The following LARGE1 variants were observed in gnomAD, a reference collection of about 807,000 sequenced individuals.
The protein encoded by LARGE1 is LARGE xylosyl- and glucuronyltransferase 1.
Under a neutral mutation model 87.6 loss-of-function variants are expected in LARGE1, and 43 were observed. The observed-to-expected ratio is 0.49, with a 90% confidence interval of 0.38 to 0.63. The LOEUF (loss-of-function observed/expected upper bound fraction) is 0.63. Among genes scored for constraint, LARGE1 ranks in the 30% least tolerant of loss-of-function variants. The pLI is 0.00. For missense variants in LARGE1, 802 were observed against 1,000.2 expected, an observed-to-expected ratio of 0.80 and a Z score of 2.67; for synonymous variants, 434 against 394.6, an observed-to-expected ratio of 1.10 and a Z score of -1.18.
At chr22:33,576,626 C>T (rs907572715) in intron 5 of LARGE1, among the ~76,000 whole-genome samples, 2 of 152,018 alleles carry the variant, frequency 1.3e-5, no homozygotes, top group African/African-American at 2.4e-5. Flanking sequence ...CAGATATCAC[C>T]GCGAAAGCAC....
intron 11 of LARGE1, among the ~76,000 whole-genome samples, chr22:33,307,325 A>G (rs552816119): frequency 6.6e-6 from 1 of 152,340 alleles, no homozygotes; most frequent in Non-Finnish European, 1.5e-5. Context: ...TGAAGGACAT[A>G]GATTCACATT....
intron 1 of LARGE1, among the ~76,000 whole-genome samples, chr22:33,799,857 G>A (rs1002357287): frequency 4.6e-5 from 7 of 152,140 alleles, no homozygotes; most frequent in African/African-American, 1.7e-4. Context: ...TGAAAATACA[G>A]ACCTCTCCAT....
At chr22:33,821,319 G>T (rs1429434611) in intron 1 of LARGE1, among the ~76,000 whole-genome samples, 1 of 152,062 alleles carries the variant, frequency 6.6e-6, no homozygotes, top group Non-Finnish European at 1.5e-5. Flanking sequence ...CTACTGTAGG[G>T]TCAAAGGAGA....
chr22:33,255,303 A>C (rs1927207827), intron 11 of LARGE1, among the ~76,000 whole-genome samples: 1 of 152,152 alleles, frequency 6.6e-6, no homozygotes, highest in South Asian at 2.1e-4. Context: ...GTAATATAGA[A>C]TCCTTTCTCA....
chr22:33,198,205 A>G (rs1174133765), intron 11 of LARGE1, among the ~76,000 whole-genome samples: 5 of 152,192 alleles, frequency 3.3e-5, no homozygotes, highest in Non-Finnish European at 7.3e-5. Flanking sequence ...TATAACAAGT[A>G]CAACGTATTA....
At chr22:33,423,043 A>G (rs1481255734) in intron 7 of LARGE1, among the ~76,000 whole-genome samples, 1 of 151,230 alleles carries the variant, frequency 6.6e-6, no homozygotes, top group African/African-American at 2.4e-5. Context: ...ATAGTCACTG[A>G]ACTTGGAGAA....
the LARGE1 span, among the ~76,000 whole-genome samples, chr22:33,091,775 T>C: frequency 6.6e-6 from 1 of 152,198 alleles, no homozygotes; most frequent in African/African-American, 2.4e-5. Flanking sequence ...AAAATGGTAA[T>C]ACCGATCCTG....
At chr22:33,502,765 C>T (rs913241283) in intron 6 of LARGE1, among the ~76,000 whole-genome samples, 1 of 152,140 alleles carries the variant, frequency 6.6e-6, no homozygotes, top group South Asian at 2.1e-4. Context: ...GACAAGGTTT[C>T]ACCACGTTGG....
At chr22:33,330,441 G>A (rs565819181) in intron 10 of LARGE1, among the ~76,000 whole-genome samples, 7 of 151,974 alleles carry the variant, frequency 4.6e-5, no homozygotes, top group Non-Finnish European at 7.4e-5. Flanking sequence ...TTGTGCCTCT[G>A]CCTCCAAAAG....
chr22:33,527,418 T>A (rs962207977), intron 6 of LARGE1, among the ~76,000 whole-genome samples: 3 of 152,198 alleles, frequency 2.0e-5, no homozygotes, highest in South Asian at 4.1e-4. Context: ...GCCAGTGAGA[T>A]GATGCAGTGG....
chr22:33,330,993 T>G (rs73401424), intron 10 of LARGE1, among the ~76,000 whole-genome samples: 3,815 of 152,308 alleles, frequency 0.025, 179 homozygotes, highest in African/African-American at 0.085. Flanking sequence ...TCTCAGAGAC[T>G]CTACAGGTTC....
chr22:33,275,909 A>T (rs953654315), intron 14 of LARGE1, among the ~76,000 whole-genome samples: 1 of 152,134 alleles, frequency 6.6e-6, no homozygotes. Context: ...TGTGAGTGGC[A>T]CTCTGCTCAT....
At chr22:33,254,078 T>C (rs1224570225) in intron 11 of LARGE1, among the ~76,000 whole-genome samples, 1 of 152,150 alleles carries the variant, frequency 6.6e-6, no homozygotes, top group East Asian at 1.9e-4. Context: ...AACAGGCTGT[T>C]TCTTCAGAAC....
At chr22:33,500,690 G>A (rs902775219) in intron 6 of LARGE1, among the ~76,000 whole-genome samples, 5 of 152,146 alleles carry the variant, frequency 3.3e-5, no homozygotes, top group African/African-American at 1.2e-4. Context: ...CATAAAATGG[G>A]GATGATGAAA....
chr22:33,373,481 G>A (rs994967603), intron 9 of LARGE1, among the ~76,000 whole-genome samples: 2 of 152,138 alleles, frequency 1.3e-5, no homozygotes, highest in African/African-American at 4.8e-5. Flanking sequence ...TCCTCTGGAA[G>A]CTTTTCAGAT....
At chr22:33,145,217 A>G in the LARGE1 span, among the ~76,000 whole-genome samples, 2 of 152,182 alleles carry the variant, frequency 1.3e-5, no homozygotes, top group African/African-American at 4.8e-5. Context: ...AAGGTATACC[A>G]GCATGAAGAG....
chr22:33,656,057 G>C (rs1056230736), intron 2 of LARGE1, among the ~76,000 whole-genome samples: 38 of 101,292 alleles, frequency 3.8e-4, no homozygotes, highest in Non-Finnish European at 6.6e-4. Context: ...GCATAAGCAT[G>C]AGTGTGTGTG....
intron 7 of LARGE1, among the ~76,000 whole-genome samples, chr22:33,411,165 G>C (rs1363795345): frequency 1.3e-5 from 2 of 152,138 alleles, no homozygotes; most frequent in Non-Finnish European, 2.9e-5. Flanking sequence ...ACCTTGTATG[G>C]GTCAGCAGAG....
At position 33,273,578 on chromosome 22, in the gene LARGE1, G is replaced by A. The variant is rs149508241; in HGVS notation, c.*849C>T. ...CCCTCGTAATTCCGCAGTCCCCATCGCTATAGCCCCTGGATTCTGGAGAGT... is the reference window on the plus strand; with the variant it reads ...CCCTCGTAATTCCGCAGTCCCCATCACTATAGCCCCTGGATTCTGGAGAGT... On this transcript the variant is annotated 3_prime_UTR_variant, in exon 15 of 15. Coordinates refer to ENST00000397394, the MANE Select transcript of LARGE1 (RefSeq NM_133642.5). The A allele has an allele frequency of 5.0e-5, 20 of 398,716 alleles. No individual in the cohort carries two copies. Among genetic ancestry groups the A allele is most frequent in the African/African-American group, 3.3e-4 (16 of 48,734 alleles). 24.7% of individuals were successfully genotyped at this position (398,716 alleles called of 1,614,324 possible). A position where few individuals can be genotyped will look rare whatever the true frequency, so the allele number is the denominator to read the frequency against.
Sources: gnomAD v4.1 joint callset for allele counts (sites outside exome capture counted in the v4.1 genomes callset) on GRCh38, gnomAD v4.1.1 for gene constraint, MANE v1.5 for transcripts, NCBI Gene and HGNC (gene_info 2026-07-23, HGNC 2026-07-21) for gene names.